The following DGKH variants were observed in gnomAD, a reference collection of about 807,000 sequenced individuals.
DGKH encodes diacylglycerol kinase eta.
In DGKH, 90 loss-of-function variants were observed where a neutral mutation model predicts 159.3. The observed-to-expected ratio is 0.57, with a 90% CI of 0.48 to 0.67. The LOEUF is 0.67. Ranked by LOEUF, DGKH falls within the 30% of genes least tolerant of loss-of-function variation. The pLI is 0.00. For synonymous variants in DGKH, 536 were observed against 553.8 expected, an observed-to-expected ratio of 0.97 and a Z score of 0.45; for missense variants, 1,181 against 1,506.1, an observed-to-expected ratio of 0.78 and a Z score of 3.57.
intron 1 of DGKH, among the ~76,000 whole-genome samples, chr13:42,110,622 A>G (rs546372397): frequency 1.4e-5 from 2 of 146,972 alleles, no homozygotes; most frequent in South Asian, 2.2e-4. Flanking sequence ...TGTTTTACCC[A>G]TTTACAACAC....
upstream of DGKH, among the ~76,000 whole-genome samples, chr13:42,048,504 G>A (rs1880960719): frequency 6.6e-6 from 1 of 152,216 alleles, no homozygotes; most frequent in South Asian, 2.1e-4. This position sits in a 1 kb window ranked among gnomAD's most constrained non-coding sequence, Gnocchi z 6.7. Flanking sequence ...GGCTGGGTGC[G>A]CAGGGGTCCG....
At chr13:42,093,344 TA>T (rs1270971281) in intron 1 of DGKH, among the ~76,000 whole-genome samples, 4 of 150,992 alleles carry the variant, frequency 2.6e-5, no homozygotes, top group Non-Finnish European at 5.9e-5. Context: ...TGGCTGCTCT[TA>T]AAAAAAAAGA....
chr13:42,062,478 G>C (rs866748600), intron 1 of DGKH, among the ~76,000 whole-genome samples: 8 of 152,298 alleles, frequency 5.3e-5, no homozygotes, highest in African/African-American at 1.9e-4. Context: ...GGTAGCCAGA[G>C]CAGCAAGACC....
intron 17 of DGKH, among the ~76,000 whole-genome samples, chr13:42,197,790 T>A (rs1299131030): frequency 1.3e-5 from 2 of 152,192 alleles, no homozygotes; most frequent in Non-Finnish European, 2.9e-5. Context: ...TTCCTATTAG[T>A]TTGTCTCCTC....
chr13:42,063,239 G>C (rs1370997359), intron 1 of DGKH, among the ~76,000 whole-genome samples: 1 of 152,042 alleles, frequency 6.6e-6, no homozygotes, highest in Non-Finnish European at 1.5e-5. Context: ...CAAGCTGAAA[G>C]AACAGCAAAT....
chr13:42,146,111 C>A (rs1294015504), intron 3 of DGKH, among the ~76,000 whole-genome samples: 3 of 148,266 alleles, frequency 2.0e-5, no homozygotes, highest in Non-Finnish European at 4.5e-5. Context: ...TAATCCTTTT[C>A]CCTTTGGAGC....
At position 42,248,337 on chromosome 13, in the gene DGKH, G is replaced by A. The variant is rs960162156; in HGVS notation, n.4055-4072G>A. ...CTCGGGAGGCTGAGGCAGGAGAATC[G>A]TCTGAACCCGGGAGGCAGAGGTTGC... is the stretch of plus-strand genomic sequence containing the variant. On this transcript the variant is annotated intron_variant and non_coding_transcript_variant, in intron 29 of 30. Transcript: ENST00000498255. Among the ~76,000 whole-genome samples the A allele has an allele frequency of 1.1e-4, 17 of 151,772 alleles. No individual in the cohort carries two copies. The South Asian group carries it at 1.9e-3, about 17-fold the overall frequency.
chr13:42,201,260 G>A (rs1205989758), intron 20 of DGKH, among the ~76,000 whole-genome samples: 1 of 152,098 alleles, frequency 6.6e-6, no homozygotes, highest in Non-Finnish European at 1.5e-5. Context: ...CAAAGTGCTG[G>A]GATTACTGGT....
At chr13:42,182,728 CTGTA>C (rs764926365) in intron 13 of DGKH, among the ~76,000 whole-genome samples, 1 of 152,092 alleles carries the variant, frequency 6.6e-6, no homozygotes, top group African/African-American at 2.4e-5. Context: ...GGAGGGCTAA[CTGTA>C]TGTGTGTGTG....
chr13:42,143,609 C>A (rs1356691571), intron 3 of DGKH, among the ~76,000 whole-genome samples: 2 of 152,146 alleles, frequency 1.3e-5, no homozygotes, highest in Non-Finnish European at 2.9e-5. Context: ...GATTCAACTT[C>A]TTCCTGGTTT....
At chr13:42,213,796 A>G (rs559933621) in intron 24 of DGKH, among the ~76,000 whole-genome samples, 1 of 152,018 alleles carries the variant, frequency 6.6e-6, no homozygotes, top group Admixed American at 6.5e-5. Context: ...GTCTTACATC[A>G]TTTTCTAGCA....
At chr13:42,070,864 A>G (rs762229814) in intron 1 of DGKH, 109 of 1,297,536 alleles carry the variant, frequency 8.4e-5, no homozygotes, top group Non-Finnish European at 1.1e-4. Context: ...CACTTTCACA[A>G]TGTTATCATG....
At chr13:42,048,102 G>T (rs895863718), upstream of DGKH, among the ~76,000 whole-genome samples, 1 of 133,958 alleles carries the variant, frequency 7.5e-6, no homozygotes, top group East Asian at 2.3e-4. This position sits in a 1 kb window ranked among gnomAD's most constrained non-coding sequence, Gnocchi z 6.7. Flanking sequence ...GGCGGGAGAG[G>T]TACGGTCCTC....
At chr13:42,172,299 A>G (rs560453440) in intron 11 of DGKH, among the ~76,000 whole-genome samples, 1 of 150,208 alleles carries the variant, frequency 6.7e-6, no homozygotes, top group South Asian at 2.1e-4. Context: ...TTTAGTAGAG[A>G]TGGGGTTTCA....
chr13:42,138,774 T>C (rs1955462321), intron 3 of DGKH, among the ~76,000 whole-genome samples: 2 of 152,188 alleles, frequency 1.3e-5, no homozygotes, highest in Non-Finnish European at 2.9e-5. Context: ...CTTACATAAT[T>C]TTTAGATGAC....
chr13:42,172,507 ATATTTATT>A, intron 11 of DGKH, among the ~76,000 whole-genome samples: 1 of 152,294 alleles, frequency 6.6e-6, no homozygotes, highest in African/African-American at 2.4e-5. Flanking sequence ...TTTTATGCAA[ATATTTATT>A]CTCATAGGCT....
At chr13:42,191,577 T>G (rs2138117678) in intron 16 of DGKH, among the ~76,000 whole-genome samples, 1 of 152,282 alleles carries the variant, frequency 6.6e-6, no homozygotes, top group African/African-American at 2.4e-5. Context: ...CATATCAGAT[T>G]AACATTTTCT....
intron 3 of DGKH, among the ~76,000 whole-genome samples, chr13:42,145,661 T>G (rs1239894835): frequency 6.6e-6 from 1 of 152,262 alleles, no homozygotes; most frequent in Non-Finnish European, 1.5e-5. Flanking sequence ...ATCAGCGATG[T>G]CTTCCACTGA....
At chr13:42,126,562 A>C (rs900016999) in intron 1 of DGKH, among the ~76,000 whole-genome samples, 1 of 152,216 alleles carries the variant, frequency 6.6e-6, no homozygotes, top group Non-Finnish European at 1.5e-5. Flanking sequence ...ATGAACTAGC[A>C]TACCTAAGGC....
Sources: allele counts gnomAD v4.1 joint callset (sites outside exome capture counted in the v4.1 genomes callset), GRCh38; gene constraint gnomAD v4.1.1; non-coding constraint Gnocchi (gnomAD v3.1); transcripts MANE v1.5; gene names NCBI Gene and HGNC (gene_info 2026-07-23, HGNC 2026-07-21).